Variants in TRIM71 observed in about 807,000 individuals in gnomAD.
The protein encoded by TRIM71 is E3 ubiquitin-protein ligase TRIM71.
Under a neutral mutation model 61.2 loss-of-function variants are expected in TRIM71, and 9 were observed. The observed-to-expected ratio is 0.15, with a 90% CI of 0.09 to 0.26. The LOEUF is 0.26. Ranked by LOEUF, TRIM71 falls within the 10% of genes least tolerant of loss-of-function variation. TRIM71 has a pLI of 1.00. For synonymous variants in TRIM71, 645 were observed against 553.2 expected (o/e 1.17, Z -2.33); for missense variants, 998 against 1,238.7 (o/e 0.81, Z 2.92).
chr3:32,837,356 C>CT (rs1696346094), intron 1 of TRIM71, among the ~76,000 whole-genome samples: 1 of 152,108 alleles, frequency 6.6e-6, no homozygotes, highest in African/African-American at 2.4e-5. Flanking sequence ...ACTGTGTGGC[C>CT]TTTTAGTACA....
intron 1 of TRIM71, among the ~76,000 whole-genome samples, chr3:32,847,658 A>G (rs145034882): frequency 3.9e-5 from 6 of 152,274 alleles, no homozygotes; most frequent in East Asian, 1.9e-4. Flanking sequence ...CACATTGACT[A>G]TCTGTCTTGA....
intron 1 of TRIM71, among the ~76,000 whole-genome samples, chr3:32,836,569 G>A (rs1262252810): frequency 6.6e-6 from 1 of 152,134 alleles, no homozygotes; most frequent in African/African-American, 2.4e-5. Context: ...TGTGTCTTTA[G>A]GTCCCACCTT....
At chr3:32,882,103 T>G (rs1242902630) in intron 2 of TRIM71, among the ~76,000 whole-genome samples, 1 of 152,080 alleles carries the variant, frequency 6.6e-6, no homozygotes, top group Non-Finnish European at 1.5e-5. Context: ...GTACACCCAT[T>G]CCTATGCAAA....
At chr3:32,860,256 T>G (rs1300709097) in intron 1 of TRIM71, among the ~76,000 whole-genome samples, 1 of 151,662 alleles carries the variant, frequency 6.6e-6, no homozygotes, top group Non-Finnish European at 1.5e-5. Flanking sequence ...CTTCCCGGGT[T>G]CAAGCAATTC....
intron 2 of TRIM71, among the ~76,000 whole-genome samples, chr3:32,874,442 AACCTCC>A (rs1220699333): frequency 2.0e-5 from 3 of 150,654 alleles, no homozygotes; most frequent in Non-Finnish European, 4.4e-5. Flanking sequence ...GGCTAACCAC[AACCTCC>A]ACCTCCCGGA....
At chr3:32,886,130 A>T in intron 3 of TRIM71, 62 bp downstream of exon 3, 1 of 1,509,108 alleles carries the variant, frequency 6.6e-7, no homozygotes, top group African/African-American at 1.4e-5. Context: ...CCTCAGCAGC[A>T]CTCTACGGGA....
intron 2 of TRIM71, among the ~76,000 whole-genome samples, chr3:32,880,398 G>A (rs1696896319): frequency 1.3e-5 from 2 of 152,184 alleles, no homozygotes; most frequent in Non-Finnish European, 2.9e-5. Context: ...TCCAGATGAG[G>A]AGGATATGTA....
chr3:32,818,381 G>C lies in TRIM71; in HGVS notation c.301G>C (p.Ala101Pro). 2 of 1,478,818 alleles carry C rather than the reference G, an allele frequency of 1.4e-6. No individual in the cohort carries two copies. Among genetic ancestry groups the C allele is most frequent in the Non-Finnish European group, 1.8e-6 (2 of 1,119,718 alleles). 91.6% of individuals were successfully genotyped at this position (1,478,818 alleles called of 1,614,324 possible). A position where few individuals can be genotyped will look rare whatever the true frequency, so the allele number is the denominator to read the frequency against. ...CGTGTGCGACCAGAAAGTAGTGCTA[G>C]CCGAGGCGGCGGGTATGGACGCGCT... ...CPVCDQKVVL[A>P]EAAGMDALPS... The change falls in exon 1 of 4, where the codon GCC becomes CCC. Residue 101 changes from alanine to proline, a missense_variant. Physicochemically the swap from Ala to Pro is conservative, Grantham distance 27. Transcript: ENST00000383763.
At chr3:32,861,666 T>TA (rs1171401380) in intron 1 of TRIM71, among the ~76,000 whole-genome samples, 1 of 152,200 alleles carries the variant, frequency 6.6e-6, no homozygotes, top group Admixed American at 6.5e-5. Flanking sequence ...GCCTTTTACT[T>TA]ACAGAGAAAG....
chr3:32,891,821 C>G lies in TRIM71; in HGVS notation c.*10C>G, dbSNP rs200179522. The G allele has an allele frequency of 9.9e-6, 16 of 1,612,766 alleles. No homozygotes were observed. Among genetic ancestry groups the G allele is most frequent in the Non-Finnish European group, 1.4e-5 (16 of 1,179,832 alleles). ...AATCCTCGTCTTCTAATTGCATTTCCTAGGTTTCTGTGTTTGGGGTGTGTG... is the reference window on the plus strand; with the variant it reads ...AATCCTCGTCTTCTAATTGCATTTCGTAGGTTTCTGTGTTTGGGGTGTGTG... On this transcript the variant is annotated 3_prime_UTR_variant, in exon 4 of 4. Coordinates refer to ENST00000383763, the MANE Select transcript of TRIM71 (RefSeq NM_001039111.3). This position sits in a 1 kb window ranked among gnomAD's most constrained non-coding sequence, Gnocchi z 8.2.
At chr3:32,852,313 G>C (rs1456854140) in intron 1 of TRIM71, among the ~76,000 whole-genome samples, 1 of 152,186 alleles carries the variant, frequency 6.6e-6, no homozygotes, top group Non-Finnish European at 1.5e-5. Flanking sequence ...TTGGGAGGCA[G>C]ATAAATAGGT....
chr3:32,818,556 G>GCGCGTCCGCCTC lies in TRIM71; in HGVS notation c.481_492dup (p.Ser161_Ala164dup). ...CACCACGCTCACCACGCGCACCCGC[G>GCGCGTCCGCCTC]CGCGTCCGCCTCCGCGCCGCCACTC... On this transcript the variant is annotated inframe_insertion, in exon 1 of 4. Transcript: ENST00000383763. 1 of 1,264,032 alleles carries GCGCGTCCGCCTC rather than the reference G, an allele frequency of 7.9e-7. No homozygotes were observed. Among genetic ancestry groups the GCGCGTCCGCCTC allele is most frequent in the Non-Finnish European group, 9.9e-7 (1 of 1,011,948 alleles). The allele number at this position is 1,264,032 out of a possible 1,614,324, so 78.3% of individuals were successfully genotyped here. A position where few individuals can be genotyped will look rare whatever the true frequency, so the allele number is the denominator to read the frequency against.
intron 1 of TRIM71, among the ~76,000 whole-genome samples, chr3:32,871,427 G>A (rs190640471): frequency 1.3e-5 from 2 of 152,300 alleles, no homozygotes; most frequent in Admixed American, 1.3e-4. Flanking sequence ...CCACCCGAAG[G>A]TTTGGTGGCA....
chr3:32,881,866 A>G (rs1349167112), intron 2 of TRIM71, among the ~76,000 whole-genome samples: 4 of 152,194 alleles, frequency 2.6e-5, no homozygotes. Context: ...TTGGAAGGGA[A>G]AGACCTATTT....
intron 1 of TRIM71, among the ~76,000 whole-genome samples, chr3:32,873,055 C>T (rs922246595): frequency 3.6e-5 from 5 of 139,096 alleles, no homozygotes; most frequent in African/African-American, 1.3e-4. Flanking sequence ...GCCAGCCCTT[C>T]TCTCTCTTCC....
In TRIM71 at chr3:32,818,972, C is replaced by A. The variant is rs758482355; in HGVS notation, c.852+40C>A. The A allele has an allele frequency of 3.8e-6, 6 of 1,597,024 alleles. No individual in the cohort carries two copies. In the Middle Eastern group the frequency reaches 5.0e-4, roughly 132 times the overall value. On this transcript the variant is annotated intron_variant, in intron 1 of 3. Transcript: ENST00000383763. The stretch of plus-strand genomic sequence containing the variant: ...GCGTGTGTTTGTGTCCATCGGATAA[C>A]TGCGTGTGTGCTCAACAGCGTTTCC...
At chr3:32,823,195 A>G (rs1415005329) in intron 1 of TRIM71, among the ~76,000 whole-genome samples, 2 of 152,222 alleles carry the variant, frequency 1.3e-5, no homozygotes, top group South Asian at 2.1e-4. Flanking sequence ...ATAAAAATAT[A>G]TGGGAGGGAA....
At chr3:32,821,719 C>CGAG (rs1362811903) in intron 1 of TRIM71, among the ~76,000 whole-genome samples, 5 of 151,964 alleles carry the variant, frequency 3.3e-5, no homozygotes, top group African/African-American at 9.7e-5. Context: ...GAATCCAAGG[C>CGAG]GAGGAATCCG....
intron 1 of TRIM71, among the ~76,000 whole-genome samples, chr3:32,837,737 C>T (rs1343428939): frequency 1.3e-5 from 2 of 151,952 alleles, no homozygotes; most frequent in Non-Finnish European, 2.9e-5. Flanking sequence ...ACCCGGGAGG[C>T]GGAGGCTTCA....
Sources: allele counts gnomAD v4.1 joint callset (sites outside exome capture counted in the v4.1 genomes callset), GRCh38; gene constraint gnomAD v4.1.1; non-coding constraint Gnocchi (gnomAD v3.1); transcripts MANE v1.5; gene names NCBI Gene and HGNC (gene_info 2026-07-23, HGNC 2026-07-21).